Variants in AARS1 observed in about 807,000 individuals in gnomAD.
AARS1 encodes the protein alanyl-tRNA synthetase 1.
A neutral mutation model predicts 108.9 loss-of-function variants in AARS1; 72 were observed. The ratio of observed to expected loss-of-function variants is 0.66; its 90% CI spans 0.55 to 0.80. The LOEUF (loss-of-function observed/expected upper bound fraction) is 0.80. Among genes scored for constraint, AARS1 ranks in the 30% least tolerant of loss-of-function variants. The probability of loss-of-function intolerance (pLI) is 0.00; values close to 1 mark genes in which losing one functional copy is unlikely to be tolerated. For missense variants in AARS1, 1,193 were observed against 1,233.2 expected (o/e 0.97, Z 0.49); for synonymous variants, 489 against 465.7 (o/e 1.05, Z -0.64).
At chr16:70,287,912 T>A (rs1960893010) in intron 1 of AARS1, among the ~76,000 whole-genome samples, 2 of 149,160 alleles carry the variant, frequency 1.3e-5, no homozygotes, top group Non-Finnish European at 3.0e-5. Flanking sequence ...AATACAGGCA[T>A]GTGCCACCAC....
chr16:70,286,932 A>G (rs1960859413), intron 1 of AARS1, among the ~76,000 whole-genome samples: 1 of 151,370 alleles, frequency 6.6e-6, no homozygotes, highest in East Asian at 2.0e-4. Context: ...CCTGGCCAAC[A>G]TGGTGAAACC....
Position 70,258,966 on chromosome 16 carries a change from G to T in AARS1, c.1992+14C>A. ...GTGTGGGGAGGGGGGGCATTCAGCCGTCGCCCATCCTACCTTGGCTGCCTC... is the reference window on the plus strand; with the variant it reads ...GTGTGGGGAGGGGGGGCATTCAGCCTTCGCCCATCCTACCTTGGCTGCCTC... On this transcript the variant is annotated intron_variant, in intron 14 of 20. Transcript: ENST00000261772. 1.2e-6 allele frequency: 2 copies of T among 1,613,178 alleles called. No homozygotes were observed. The highest frequency in any genetic ancestry group is 3.3e-5 in the Admixed American group (2 of 60,010).
chr16:70,265,668 C>T lies in AARS1; in HGVS notation c.1223-6G>A. ...GAGGAGCCAAGCAGTGTCTCCTACACAGCACAAAGGAGGTGTGTCAAAAAA... is the reference window on the plus strand; with the variant it reads ...GAGGAGCCAAGCAGTGTCTCCTACATAGCACAAAGGAGGTGTGTCAAAAAA... On this transcript the variant is annotated splice_region_variant and splice_polypyrimidine_tract_variant and intron_variant, in intron 9 of 20. Transcript: ENST00000261772. 1.2e-6 allele frequency: 2 copies of T among 1,613,200 alleles called. No homozygotes were observed.
chr16:70,276,658 T>C (rs1960559871), intron 3 of AARS1, 27 bp from the exon 4 acceptor site: 1 of 1,613,078 alleles, frequency 6.2e-7, no homozygotes, highest in East Asian at 2.2e-5. Flanking sequence ...GAGAAAGATA[T>C]GGAACATTGC....
chr16:70,256,979 G>A (rs920902783), intron 15 of AARS1, among the ~76,000 whole-genome samples: 1 of 152,072 alleles, frequency 6.6e-6, no homozygotes. Flanking sequence ...GCCAGGCACG[G>A]TGGCTCACAC....
At chr16:70,266,576 T>C (rs145153726) in intron 9 of AARS1, among the ~76,000 whole-genome samples, 10,664 of 149,864 alleles carry the variant, frequency 0.071, 1,237 homozygotes, top group African/African-American at 0.25. Context: ...GGCTGGAGTG[T>C]ACTGGTGTGA....
At chr16:70,286,789 G>A (rs1960854956) in intron 1 of AARS1, among the ~76,000 whole-genome samples, 1 of 151,294 alleles carries the variant, frequency 6.6e-6, no homozygotes, top group Admixed American at 6.6e-5. Flanking sequence ...AGGTTGCAAT[G>A]AGCCAAGATC....
chr16:70,278,275 A>C (rs971994974), intron 2 of AARS1, among the ~76,000 whole-genome samples: 4 of 151,906 alleles, frequency 2.6e-5, no homozygotes, highest in African/African-American at 9.7e-5. Context: ...TAAAAATTAG[A>C]AATTCTCAGC....
chr16:70,276,312 G>A (rs1597445869), intron 4 of AARS1, 174 bp downstream of exon 4: 2 of 682,520 alleles, frequency 2.9e-6, no homozygotes, highest in East Asian at 5.7e-5. Flanking sequence ...TCAGGTCACT[G>A]CAACCTCCAC....
intron 1 of AARS1, among the ~76,000 whole-genome samples, chr16:70,285,057 C>A (rs1213439505): frequency 6.6e-6 from 1 of 152,042 alleles, no homozygotes; most frequent in Non-Finnish European, 1.5e-5. Flanking sequence ...TGGTGAAACC[C>A]CATCTCTACT....
At chr16:70,261,734 A>G (rs1321123914) in intron 12 of AARS1, among the ~76,000 whole-genome samples, 1 of 149,404 alleles carries the variant, frequency 6.7e-6, no homozygotes, top group Non-Finnish European at 1.5e-5. Flanking sequence ...CAGTGGCGCA[A>G]TCTCGGCTCA....
chr16:70,253,507 G>T, intron 19 of AARS1, 126 bp from the exon 20 acceptor site: 2 of 1,054,048 alleles, frequency 1.9e-6, no homozygotes, highest in Non-Finnish European at 2.9e-6. Flanking sequence ...CTGTGCCCAG[G>T]GCCTGTGGGG....
intron 4 of AARS1, among the ~76,000 whole-genome samples, chr16:70,274,728 GGGGGTGGGGGAGT>G (rs1262792625): frequency 2.6e-5 from 4 of 151,298 alleles, no homozygotes; most frequent in African/African-American, 9.7e-5. Flanking sequence ...CCATCTCGGC[GGGGGTGGGGGAGT>G]GGAGTGGGGG....
rs1385661602 is a variant in AARS1, at chr16:70,258,068, A to T, written c.2142T>A (p.Ala714=). ...SELLDDPSGP[A]GSLTSVEFCG... ...AGAACTCAACAGAAGTCAGGGAGCCAGCAGGCCCAGAGGGGTCATCCAGCA... is the reference window on the plus strand; with the variant it reads ...AGAACTCAACAGAAGTCAGGGAGCCTGCAGGCCCAGAGGGGTCATCCAGCA... Residue 714 remains alanine (A), a synonymous_variant, in exon 15 of 21, where the codon GCT becomes GCA. Coordinates refer to ENST00000261772, the MANE Select transcript of AARS1 (RefSeq NM_001605.3). The T allele has an allele frequency of 1.9e-6, 3 of 1,614,034 alleles. No homozygotes were observed. The East Asian group carries it at 6.7e-5, about 36-fold the overall frequency.
chr16:70,286,818 G>A (rs1960855550), intron 1 of AARS1, among the ~76,000 whole-genome samples: 1 of 147,300 alleles, frequency 6.8e-6, no homozygotes, highest in South Asian at 2.1e-4. Context: ...TCCAGCCTGG[G>A]CAACAGAAAA....
chr16:70,254,390 C>T (rs1418869491), intron 17 of AARS1: 4 of 595,430 alleles, frequency 6.7e-6, no homozygotes, highest in Middle Eastern at 2.6e-4. Context: ...AGTGCCCATA[C>T]ATGCTTGGGA....
At chr16:70,289,065 T>A (rs1161275564) in intron 1 of AARS1, among the ~76,000 whole-genome samples, 2 of 152,094 alleles carry the variant, frequency 1.3e-5, no homozygotes, top group African/African-American at 2.4e-5. Flanking sequence ...AGCTGTTTAG[T>A]TAATTTTAAG....
chr16:70,277,143 A>G lies in AARS1; in HGVS notation c.156T>C (p.Ile52=), dbSNP rs1363267656. The change falls in exon 3 of 21, where the codon ATT becomes ATC. Residue 52 remains isoleucine, a synonymous_variant. Transcript: ENST00000261772. ...ANAGMNQFKP[I]FLNTIDPSHP... is the part of the protein sequence containing the mutation. ...GAGATGGGTCAATTGTGTTCAGGAA[A>G]ATGGGTTTAAACTAAAAGAGAAGGA... is the stretch of plus-strand genomic sequence containing the variant. The G allele has an allele frequency of 4.3e-6, 7 of 1,613,970 alleles. No homozygotes were observed. The highest frequency in any genetic ancestry group is 2.7e-5 in the African/African-American group (2 of 74,912).
chr16:70,262,995 A>AAAAAAAAC (rs1174659809), intron 11 of AARS1, among the ~76,000 whole-genome samples: 8 of 128,676 alleles, frequency 6.2e-5, no homozygotes, highest in Non-Finnish European at 9.0e-5. Flanking sequence ...AAAAAAAAAA[A>AAAAAAAAC]AAACAACAAC....
Sources: allele counts gnomAD v4.1 joint callset (sites outside exome capture counted in the v4.1 genomes callset), GRCh38; gene constraint gnomAD v4.1.1; transcripts MANE v1.5; gene names NCBI Gene and HGNC (gene_info 2026-07-23, HGNC 2026-07-21).